Variants in TXNL4A observed in about 807,000 individuals in gnomAD.
TXNL4A encodes the protein thioredoxin like 4A, also known as thioredoxin-like protein 4A.
A neutral mutation model predicts 14.6 loss-of-function variants in TXNL4A; 17 were observed. That is an observed-to-expected ratio of 1.16 (90% CI 0.80 to 1.74). The LOEUF (loss-of-function observed/expected upper bound fraction) is 1.74. Among genes scored for constraint, TXNL4A ranks in the 40% most tolerant of loss-of-function variants. The pLI is 0.00. For synonymous variants in TXNL4A, 83 were observed against 70.6 expected (o/e 1.18, Z -0.88); for missense variants, 74 against 195.2 (o/e 0.38, Z 3.70).
intron 2 of TXNL4A, 21 bp from the exon 3 acceptor site, chr18:79,973,877 A>G: frequency 6.2e-7 from 1 of 1,611,266 alleles, no homozygotes; most frequent in Non-Finnish European, 8.5e-7. Context: ...AAACAAGGGC[A>G]TCCATTCTCA....
chr18:80,013,098 A>C (rs568159294), intron 1 of TXNL4A, among the ~76,000 whole-genome samples: 2 of 148,562 alleles, frequency 1.3e-5, no homozygotes, highest in Non-Finnish European at 3.0e-5. Flanking sequence ...GAGAACAAAA[A>C]AAATTAAAAA....
intron 1 of TXNL4A, among the ~76,000 whole-genome samples, chr18:80,028,126 A>C (rs1016169035): frequency 6.6e-6 from 1 of 150,948 alleles, no homozygotes; most frequent in African/African-American, 2.4e-5. Flanking sequence ...ACAAAACTGG[A>C]GGTACTGCAT....
intron 1 of TXNL4A, 129 bp downstream of exon 1, chr18:79,988,111 T>C: frequency 8.7e-7 from 1 of 1,148,894 alleles, no homozygotes; most frequent in East Asian, 3.1e-5. Context: ...AGGGGAGGAA[T>C]CGCCTGAACG....
intron 1 of TXNL4A, chr18:79,986,526 C>T (rs528890229): frequency 2.7e-4 from 258 of 964,594 alleles, no homozygotes; most frequent in Non-Finnish European, 3.0e-4. Context: ...TACAGTGATT[C>T]ATTCTGTAAT....
intron 1 of TXNL4A, among the ~76,000 whole-genome samples, chr18:79,999,510 T>C (rs1303984707): frequency 1.5e-5 from 2 of 133,886 alleles, no homozygotes; most frequent in Non-Finnish European, 3.0e-5. Context: ...CACTTCAGCC[T>C]GAGTGACAAG....
intron 1 of TXNL4A, among the ~76,000 whole-genome samples, chr18:80,004,232 C>G (rs4799119): frequency 0.32 from 48,971 of 152,006 alleles, 8,695 homozygotes; most frequent in South Asian, 0.49. Context: ...TATGTTTCCT[C>G]CAGGGCTGTT....
At chr18:80,020,942 T>C (rs1002014540) in intron 1 of TXNL4A, among the ~76,000 whole-genome samples, 1 of 152,168 alleles carries the variant, frequency 6.6e-6, no homozygotes, top group Non-Finnish European at 1.5e-5. Flanking sequence ...AGCTGAGCAT[T>C]AGATTTGGAA....
chr18:80,026,397 GAAAGA>G (rs1421729988), intron 1 of TXNL4A, among the ~76,000 whole-genome samples: 1 of 152,138 alleles, frequency 6.6e-6, no homozygotes, highest in Admixed American at 6.5e-5. Context: ...AGGCTGAAAT[GAAAGA>G]AAAGGCAGGA....
intron 1 of TXNL4A, chr18:80,033,710 A>G (rs4497762): frequency 0.33 from 50,461 of 153,132 alleles, 8,964 homozygotes; most frequent in East Asian, 0.52. Flanking sequence ...CCAGGCAACC[A>G]GGCGGTTCCC....
At chr18:80,016,801 C>T (rs1425452438) in intron 1 of TXNL4A, among the ~76,000 whole-genome samples, 1 of 149,464 alleles carries the variant, frequency 6.7e-6, no homozygotes, top group Non-Finnish European at 1.5e-5. Flanking sequence ...TAGCGTGATG[C>T]CTCCAGCTTT....
intron 1 of TXNL4A, among the ~76,000 whole-genome samples, chr18:79,983,940 C>T (rs1000803186): frequency 3.3e-5 from 5 of 152,138 alleles, no homozygotes; most frequent in Admixed American, 6.6e-5. Flanking sequence ...CACCCTCAAC[C>T]GCCGCTCAAC....
intron 1 of TXNL4A, among the ~76,000 whole-genome samples, chr18:80,013,091 A>G (rs1207733699): frequency 6.6e-6 from 1 of 150,416 alleles, no homozygotes; most frequent in Non-Finnish European, 1.5e-5. Flanking sequence ...AGAGAGAGAG[A>G]ACAAAAAAAA....
At position 79,977,654 on chromosome 18, in the gene TXNL4A, A is replaced by G. The variant is rs771333931; in HGVS notation, c.201T>C (p.Pro67=). The G allele has an allele frequency of 1.9e-6, 3 of 1,612,928 alleles. No individual in the cohort carries two copies. The highest frequency in any genetic ancestry group is 4.5e-5 in the East Asian group (2 of 44,842). The part of the protein sequence containing the change: ...VIYLVDITEV[P]DFNKMYELYD... Reference sequence around the variant, plus strand: ...ATAACTCATACATTTTGTTGAAGTCAGGCACTTCTGTAATATCCACAAGAT... The same window carrying G: ...ATAACTCATACATTTTGTTGAAGTCGGGCACTTCTGTAATATCCACAAGAT... Residue 67 remains proline (P), a synonymous_variant, in exon 2 of 3, where the codon CCT becomes CCC. Coordinates refer to ENST00000269601, the MANE Select transcript of TXNL4A (RefSeq NM_006701.5).
intron 1 of TXNL4A, among the ~76,000 whole-genome samples, chr18:80,026,525 C>A (rs2051885684): frequency 6.6e-6 from 1 of 152,170 alleles, no homozygotes; most frequent in Non-Finnish European, 1.5e-5. Context: ...TAACCATGAG[C>A]TGACAACTGC....
chr18:79,993,464 T>C (rs142325640), upstream of TXNL4A, among the ~76,000 whole-genome samples: 122 of 152,364 alleles, frequency 8.0e-4, no homozygotes, highest in Middle Eastern at 3.4e-3. This position sits in a 1 kb window ranked among gnomAD's most constrained non-coding sequence, Gnocchi z 4.4. Context: ...GATTTTGTCT[T>C]GCAAATTCTT....
At chr18:79,996,823 A>G (rs921030376) in intron 1 of TXNL4A, among the ~76,000 whole-genome samples, 1 of 152,152 alleles carries the variant, frequency 6.6e-6, no homozygotes, top group Non-Finnish European at 1.5e-5. Context: ...CATGCCTGTA[A>G]TCCCAGCTAC....
intron 1 of TXNL4A, among the ~76,000 whole-genome samples, chr18:79,978,892 G>A (rs1369859154): frequency 4.0e-5 from 6 of 151,312 alleles, no homozygotes; most frequent in African/African-American, 1.5e-4. Context: ...GTCATATTGT[G>A]ATCGTACTAC....
Position 79,988,458 on chromosome 18 carries a change from G to A in TXNL4A, c.-66C>T. 2 of 1,285,624 alleles carry A rather than the reference G, an allele frequency of 1.6e-6. No homozygotes were observed. The highest frequency in any genetic ancestry group is 9.9e-7 in the Non-Finnish European group (1 of 1,010,988). 79.6% of individuals were successfully genotyped at this position (1,285,624 alleles called of 1,614,324 possible). A position where few individuals can be genotyped will look rare whatever the true frequency, so the allele number is the denominator to read the frequency against. On this transcript the variant is annotated 5_prime_UTR_variant, in exon 1 of 3. Coordinates refer to ENST00000269601, the MANE Select transcript of TXNL4A (RefSeq NM_006701.5). ...GGGAGGGCCCAGCGAGGTGGGCTCA[G>A]CCGGCCCCTCACTCCCCGGCCCCCG...
intron 1 of TXNL4A, among the ~76,000 whole-genome samples, chr18:79,978,118 G>A (rs2051407800): frequency 2.0e-5 from 3 of 152,116 alleles, no homozygotes; most frequent in African/African-American, 7.2e-5. Flanking sequence ...TTGGCCGCTG[G>A]CTCCTTCCGC....
Sources: allele counts gnomAD v4.1 joint callset (sites outside exome capture counted in the v4.1 genomes callset), GRCh38; gene constraint gnomAD v4.1.1; non-coding constraint Gnocchi (gnomAD v3.1); transcripts MANE v1.5; gene names NCBI Gene and HGNC (gene_info 2026-07-23, HGNC 2026-07-21).